The following E2F8 variants were observed in gnomAD, a reference collection of about 807,000 sequenced individuals.
E2F8 encodes the protein transcription factor E2F8.
E2F8 carries 35 observed loss-of-function variants against 80.8 expected under a neutral mutation model. That is an observed-to-expected ratio of 0.43 (90% CI 0.33 to 0.57). E2F8 has a LOEUF of 0.57. Ranked by LOEUF, E2F8 falls within the 20% of genes least tolerant of loss-of-function variation. The pLI is 0.04. For missense variants in E2F8, 975 were observed against 1,056.2 expected (o/e 0.92, Z 1.07); for synonymous variants, 386 against 395.0 (o/e 0.98, Z 0.27).
intron 10 of E2F8, among the ~76,000 whole-genome samples, chr11:19,228,138 A>T (rs1030506296): frequency 2.6e-5 from 4 of 152,178 alleles, no homozygotes; most frequent in African/African-American, 9.7e-5. Context: ...AAGCAGGAGT[A>T]TATGGAAAAT....
At chr11:19,228,480 C>T (rs1278741812) in intron 10 of E2F8, among the ~76,000 whole-genome samples, 1 of 152,148 alleles carries the variant, frequency 6.6e-6, no homozygotes, top group Non-Finnish European at 1.5e-5. Context: ...TTCACTTAAC[C>T]CCACAAAAAC....
intron 8 of E2F8, 112 bp downstream of exon 8, chr11:19,230,517 GTA>G: frequency 1.5e-6 from 2 of 1,294,882 alleles, no homozygotes; most frequent in South Asian, 2.8e-5. Flanking sequence ...GAGGGTTTGG[GTA>G]TATAGATATT....
intron 2 of E2F8, among the ~76,000 whole-genome samples, chr11:19,239,112 A>T (rs1041100086): frequency 6.6e-6 from 1 of 152,222 alleles, no homozygotes; most frequent in South Asian, 2.1e-4. Context: ...AGACCAAATA[A>T]CTTTAAGAAC....
chr11:19,226,006 T>G, intron 10 of E2F8, 142 bp from the exon 11 acceptor site: 1 of 897,518 alleles, frequency 1.1e-6, no homozygotes, highest in Non-Finnish European at 1.7e-6. Context: ...GGCAGGCTGG[T>G]CACCTGGCTC....
chr11:19,229,623 G>T lies in E2F8; in HGVS notation c.1724C>A (p.Ala575Asp). 6.2e-7 allele frequency: 1 copy of T among 1,614,188 alleles called. No homozygotes were observed. Among genetic ancestry groups the T allele is most frequent in the Non-Finnish European group, 8.5e-7 (1 of 1,180,040 alleles). Residue 575 changes from alanine (A) to aspartate (D), a missense_variant, in exon 10 of 13, where the codon GCC (alanine) becomes GAC (aspartate). By Grantham distance (126) the Ala-to-Asp change is moderately radical. Coordinates refer to ENST00000250024, the MANE Select transcript of E2F8 (RefSeq NM_024680.4). This position sits in a 1 kb window ranked among gnomAD's most constrained non-coding sequence, Gnocchi z 4.3. ...KAANDTSKAS[A>D]STRPGSLLPA... ...CAGCAAGCTTCCAGGCCTGGTAGAGGCACTGGCCTTTGAGGTATCATTGGC... is the reference window on the plus strand; with the variant it reads ...CAGCAAGCTTCCAGGCCTGGTAGAGTCACTGGCCTTTGAGGTATCATTGGC...
intron 6 of E2F8, among the ~76,000 whole-genome samples, chr11:19,234,042 G>C (rs763516224): frequency 6.6e-6 from 1 of 151,066 alleles, no homozygotes; most frequent in African/African-American, 2.4e-5. Flanking sequence ...CAGCTACTCC[G>C]GAGACTGAGG....
intron 6 of E2F8, 83 bp from the exon 7 acceptor site, chr11:19,232,454 C>T (rs939365481): frequency 1.4e-5 from 17 of 1,203,592 alleles, no homozygotes. Context: ...CATGTATATT[C>T]TAAGAGCTGT....
rs1387770058 is a variant in E2F8, at chr11:19,225,803, G to C, written c.1955C>G (p.Ser652Cys). ...TGAGTTTTCTTTACCAGACAAAATG[G>C]ACTCTGCCCCCAGGGATGAGCACTG... ...LTQCSSLGAE[S>C]ILSGKENSSA... The change falls in exon 11 of 13, where the codon TCC becomes TGC. Residue 652 changes from serine (S) to cysteine (C), a missense_variant. Ser to Cys is a moderately radical substitution (Grantham distance 112). Coordinates refer to ENST00000250024, the MANE Select transcript of E2F8 (RefSeq NM_024680.4). The C allele has an allele frequency of 9.3e-6, 15 of 1,614,208 alleles. No individual in the cohort carries two copies. Among genetic ancestry groups the C allele is most frequent in the Non-Finnish European group, 1.2e-5 (14 of 1,180,034 alleles).
chr11:19,238,011 G>C lies in E2F8; in HGVS notation c.137C>G (p.Thr46Ser). 1 of 1,614,190 alleles carries C rather than the reference G, an allele frequency of 6.2e-7. No individual in the cohort carries two copies. The highest frequency in any genetic ancestry group is 8.5e-7 in the Non-Finnish European group (1 of 1,180,030). Residue 46 changes from threonine to serine, a missense_variant, in exon 3 of 13, where the codon ACC becomes AGC. Coordinates refer to ENST00000250024, the MANE Select transcript of E2F8 (RefSeq NM_024680.4). ...QPDFGPLTTP[T>S]KPKEGSQGEP... ...TCCCTGAGAGCCTTCCTTGGGCTTG[G>C]TAGGTGTGGTTAAAGGGCCAAAGTC...
At chr11:19,225,971 A>G in intron 10 of E2F8, 107 bp from the exon 11 acceptor site, 1 of 1,368,552 alleles carries the variant, frequency 7.3e-7, no homozygotes, top group Non-Finnish European at 1.0e-6. Flanking sequence ...TCATTGGACC[A>G]AAGCCTCCAG....
chr11:19,225,191 A>G, intron 12 of E2F8, 30 bp downstream of exon 12: 1 of 1,593,990 alleles, frequency 6.3e-7, no homozygotes, highest in Non-Finnish European at 8.5e-7. Flanking sequence ...TAATTCCAGG[A>G]AAAATTAAAT....
chr11:19,225,852 A>T lies in E2F8; in HGVS notation c.1906T>A (p.Ser636Thr). 1 of 1,614,118 alleles carries T rather than the reference A, an allele frequency of 6.2e-7. No homozygotes were observed. Among genetic ancestry groups the T allele is most frequent in the Non-Finnish European group, 8.5e-7 (1 of 1,180,014 alleles). ...LENVSATLFPSGYLIPLTQCS... is the reference protein window; with the variant it reads ...LENVSATLFPTGYLIPLTQCS... Reference sequence around the variant, plus strand: ...TGCGTGAGAGGGATTAGGTATCCTGATGGGAACAAGGTCTAGAAAACAAGG... The same window carrying T: ...TGCGTGAGAGGGATTAGGTATCCTGTTGGGAACAAGGTCTAGAAAACAAGG... The change falls in exon 11 of 13, where the codon TCA (serine) becomes ACA (threonine). Residue 636 changes from serine to threonine, a missense_variant. Coordinates refer to ENST00000250024, the MANE Select transcript of E2F8 (RefSeq NM_024680.4).
At chr11:19,227,544 A>T (rs1023883738) in intron 10 of E2F8, among the ~76,000 whole-genome samples, 7 of 152,146 alleles carry the variant, frequency 4.6e-5, no homozygotes, top group Non-Finnish European at 1.0e-4. Flanking sequence ...AATAATTAGA[A>T]CTATTAAATT....
chr11:19,234,862 T>A lies in E2F8; in HGVS notation c.648A>T (p.Gln216His). The change falls in exon 5 of 13, where the codon CAA becomes CAT. Residue 216 changes from glutamine to histidine, a missense_variant. Physicochemically the swap from Gln to His is conservative, Grantham distance 24. Transcript: ENST00000250024. Reference protein sequence around the residue: ...IMMIKKKEYEQEFDFIKSYSI... With the variant: ...IMMIKKKEYEHEFDFIKSYSI... Reference sequence around the variant, plus strand: ...TGTAACTCTTAATAAAGTCAAACTCTTGCTCATATTCTTTCTTTTTGATCA... The same window carrying A: ...TGTAACTCTTAATAAAGTCAAACTCATGCTCATATTCTTTCTTTTTGATCA... 1 of 1,614,238 alleles carries A rather than the reference T, an allele frequency of 6.2e-7. No homozygotes were observed. The highest frequency in any genetic ancestry group is 8.5e-7 in the Non-Finnish European group (1 of 1,180,044).
At chr11:19,234,609 G>A in intron 5 of E2F8, 88 bp from the exon 6 acceptor site, 2 of 1,554,542 alleles carry the variant, frequency 1.3e-6, no homozygotes, top group Non-Finnish European at 1.7e-6. Context: ...ACTACCACCT[G>A]ATCATACAGC....
Position 19,229,774 on chromosome 11 carries a change from G to A in E2F8, c.1573C>T (p.Leu525=). ...APSGPSYAIY[L]QPTQAHQSVT... ...CTTTGGTGGGCTTGAGTGGGCTGCA[G>A]GTAGATGGCATAGGATGGGCCTGAA... Residue 525 remains leucine (L), a synonymous_variant, in exon 10 of 13, where the codon CTG becomes TTG. Transcript: ENST00000250024. The surrounding 1 kb of genome is among the most constrained non-coding windows in gnomAD (Gnocchi z 4.3). The A allele has an allele frequency of 6.2e-7, 1 of 1,614,180 alleles. No individual in the cohort carries two copies. The highest frequency in any genetic ancestry group is 1.1e-5 in the South Asian group (1 of 91,072).
At position 19,229,542 on chromosome 11, in the gene E2F8, C is replaced by T. The variant is rs1287766974; in HGVS notation, c.1805G>A (p.Arg602Lys). ...GAGCATGCTTGCCCTCTTTGAGCCT[C>T]TTTCTCCAGCTGGCTCCCTGGTTCG... ...KSRTREPAGERGSKRASMLED... is the reference protein window; with the variant it reads ...KSRTREPAGEKGSKRASMLED... Residue 602 changes from arginine to lysine, a missense_variant, in exon 10 of 13, where the codon AGA becomes AAA. Arg to Lys is a conservative substitution (Grantham distance 26). Transcript: ENST00000250024. The surrounding 1 kb of genome is among the most constrained non-coding windows in gnomAD (Gnocchi z 4.3). 6.2e-7 allele frequency: 1 copy of T among 1,614,256 alleles called. No individual in the cohort carries two copies. The highest frequency in any genetic ancestry group is 1.3e-5 in the African/African-American group (1 of 75,074).
intron 12 of E2F8, 107 bp from the exon 13 acceptor site, chr11:19,224,947 C>G: frequency 7.4e-7 from 1 of 1,347,190 alleles, no homozygotes; most frequent in Non-Finnish European, 1.0e-6. Flanking sequence ...CATTGGGAAA[C>G]TGGCGTATCT....
rs1343175254 is a variant in E2F8 at position 19,234,921 on chromosome 11, C to T, written c.589G>A (p.Gly197Arg). Reference sequence around the variant, plus strand: ...TGCTCGGCGTACTTATTCTCCTCCCCGATGCTCTTCAAGGTGCCAAGGGTT... The same window carrying T: ...TGCTCGGCGTACTTATTCTCCTCCCTGATGCTCTTCAAGGTGCCAAGGGTT... The part of the protein sequence containing the change: ...NKTLGTLKSI[G>R]EENKYAEQIM... The change falls in exon 5 of 13, where the codon GGG becomes AGG. Residue 197 changes from glycine (G) to arginine (R), a missense_variant. Physicochemically the swap from Gly to Arg is moderately radical, Grantham distance 125 (BLOSUM62 -2). Coordinates refer to ENST00000250024, the MANE Select transcript of E2F8 (RefSeq NM_024680.4). 1.9e-6 allele frequency: 3 copies of T among 1,614,170 alleles called. No homozygotes were observed. The highest frequency in any genetic ancestry group is 1.7e-5 in the Admixed American group (1 of 60,016).
Sources: allele counts gnomAD v4.1 joint callset (sites outside exome capture counted in the v4.1 genomes callset), GRCh38; gene constraint gnomAD v4.1.1; non-coding constraint Gnocchi (gnomAD v3.1); transcripts MANE v1.5; gene names NCBI Gene and HGNC (gene_info 2026-07-23, HGNC 2026-07-21).